FOLH1: variants seen among roughly 807,000 people sequenced by gnomAD.
FOLH1 encodes the protein glutamate carboxypeptidase 2.
A neutral mutation model predicts 93.9 loss-of-function variants in FOLH1; 54 were observed. That is an observed-to-expected ratio of 0.57 (90% confidence interval 0.46 to 0.72). The LOEUF is 0.72. Among genes scored for constraint, FOLH1 ranks in the 30% least tolerant of loss-of-function variants. FOLH1 has a pLI of 0.00. For missense variants in FOLH1, 571 were observed against 892.5 expected, an observed-to-expected ratio of 0.64 and a Z score of 4.59; for synonymous variants, 249 against 303.6, an observed-to-expected ratio of 0.82 and a Z score of 1.87.
intron 3 of FOLH1, among the ~76,000 whole-genome samples, chr11:49,198,438 C>A (rs553211314): frequency 1.3e-5 from 2 of 151,548 alleles, no homozygotes; most frequent in South Asian, 4.2e-4. Context: ...GCGGAGATAC[C>A]GCCACTGCAC....
At chr11:49,206,283 T>G (rs1375627978) in intron 1 of FOLH1, 111 bp from the exon 2 acceptor site, 3 of 1,459,396 alleles carry the variant, frequency 2.1e-6, no homozygotes, top group Admixed American at 3.8e-5. Flanking sequence ...ATATTACCTC[T>G]GACATTAGGT....
At chr11:49,184,716 T>C (rs1861177648) in intron 6 of FOLH1, among the ~76,000 whole-genome samples, 2 of 152,220 alleles carry the variant, frequency 1.3e-5, no homozygotes, top group African/African-American at 4.8e-5. Flanking sequence ...ATAAATGTCA[T>C]AGAAAACTTG....
At chr11:49,190,287 A>G (rs1318137827) in intron 4 of FOLH1, among the ~76,000 whole-genome samples, 2 of 152,224 alleles carry the variant, frequency 1.3e-5, no homozygotes, top group African/African-American at 4.8e-5. Flanking sequence ...AAATGAGAGT[A>G]AACTTTGAAA....
chr11:49,197,967 T>C (rs1862804796), intron 3 of FOLH1, among the ~76,000 whole-genome samples: 1 of 151,666 alleles, frequency 6.6e-6, no homozygotes, highest in African/African-American at 2.4e-5. Context: ...TGGATAAAAA[T>C]AAAAAAGAAC....
intron 12 of FOLH1, among the ~76,000 whole-genome samples, chr11:49,164,975 C>A (rs976732852): frequency 6.6e-6 from 1 of 152,284 alleles, no homozygotes; most frequent in East Asian, 1.9e-4. Context: ...CCCTAGGTCA[C>A]CTCTCAAAAT....
intron 14 of FOLH1, 33 bp downstream of exon 14, chr11:49,157,919 T>A: frequency 6.5e-7 from 1 of 1,537,064 alleles, no homozygotes; most frequent in African/African-American, 1.4e-5. Flanking sequence ...AATCCCACAC[T>A]GAATTCAGTG....
intron 7 of FOLH1, among the ~76,000 whole-genome samples, chr11:49,178,388 T>A (rs36032101): frequency 6.6e-6 from 1 of 152,218 alleles, no homozygotes; most frequent in South Asian, 2.1e-4. Flanking sequence ...TCCTTTTGAA[T>A]TGTGAACTTT....
chr11:49,178,378 T>A (rs1345958275), intron 7 of FOLH1, among the ~76,000 whole-genome samples: 3 of 152,210 alleles, frequency 2.0e-5, no homozygotes, highest in African/African-American at 7.2e-5. Flanking sequence ...TTACTATAAA[T>A]CCTTTTGAAT....
intron 11 of FOLH1, among the ~76,000 whole-genome samples, chr11:49,170,299 G>A (rs1206609288): frequency 1.3e-5 from 2 of 152,134 alleles, no homozygotes; most frequent in Non-Finnish European, 2.9e-5. Context: ...AGGTCATTAT[G>A]AATTAAGAAA....
At chr11:49,198,574 A>T (rs957688634) in intron 3 of FOLH1, among the ~76,000 whole-genome samples, 5 of 152,092 alleles carry the variant, frequency 3.3e-5, no homozygotes, top group Non-Finnish European at 7.4e-5. Flanking sequence ...GATCAAAGAG[A>T]CGTTTAAGCA....
At chr11:49,148,604 A>G (rs1394318506) in intron 18 of FOLH1, 35 bp downstream of exon 18, 1 of 1,412,556 alleles carries the variant, frequency 7.1e-7, no homozygotes, top group Non-Finnish European at 9.7e-7. Flanking sequence ...AGAAAAAGTG[A>G]TATTACAGAA....
chr11:49,194,714 T>C (rs1040906971), intron 3 of FOLH1, among the ~76,000 whole-genome samples: 7 of 151,926 alleles, frequency 4.6e-5, no homozygotes, highest in African/African-American at 1.2e-4. Context: ...TGTGTACCAA[T>C]TGACAAGCAG....
chr11:49,184,640 C>G (rs1214344347), intron 6 of FOLH1, among the ~76,000 whole-genome samples: 1 of 151,888 alleles, frequency 6.6e-6, no homozygotes, highest in East Asian at 1.9e-4. Context: ...AGAAGATTTA[C>G]AAAGCCAAAA....
chr11:49,174,911 G>A lies in FOLH1; in HGVS notation c.1086C>T (p.Leu362=), dbSNP rs771300656. The part of the protein sequence containing the change: ...VTRIYNVIGT[L]RGAVEPDRYV... ...CTTTACCTGGTTCCACTGCTCCTCT[G>A]AGAGTACCTATCACATTGTAAATTC... The change falls in exon 9 of 19, where the codon CTC becomes CTT. Residue 362 remains leucine (L), a synonymous_variant. Transcript: ENST00000256999. The A allele has an allele frequency of 7.5e-6, 12 of 1,610,190 alleles. No individual in the cohort carries two copies. The South Asian group carries it at 7.7e-5, about 10-fold the overall frequency.
intron 3 of FOLH1, among the ~76,000 whole-genome samples, chr11:49,193,103 G>T (rs1862251449): frequency 6.6e-6 from 1 of 151,920 alleles, no homozygotes; most frequent in East Asian, 1.9e-4. Context: ...TCCTCAAAAT[G>T]GTTAGATCTA....
Position 49,169,241 on chromosome 11 carries a change from A to C in FOLH1, c.1326T>G (p.Leu442=). The C allele has an allele frequency of 6.2e-7, 1 of 1,613,274 alleles. No individual in the cohort carries two copies. Among genetic ancestry groups the C allele is most frequent in the East Asian group, 2.2e-5 (1 of 44,834 alleles). Residue 442 remains leucine (L), a synonymous_variant, in exon 12 of 19, where the codon CTT becomes CTG. Coordinates refer to ENST00000256999, the MANE Select transcript of FOLH1 (RefSeq NM_004476.3). ...TEWAEENSRL[L]QERGVAYINA... is the part of the protein sequence containing the mutation. ...TAATATAAGCCACGCCACGCTCTTG[A>C]AGGAGTCTTGAATTCTCCTATAATA... is the stretch of plus-strand genomic sequence containing the variant.
At chr11:49,181,451 T>C (rs1860726370) in intron 7 of FOLH1, among the ~76,000 whole-genome samples, 1 of 151,918 alleles carries the variant, frequency 6.6e-6, no homozygotes, top group Non-Finnish European at 1.5e-5. Flanking sequence ...ATACTATATA[T>C]ATATAGTTTT....
chr11:49,174,108 C>T (rs1472174947), intron 9 of FOLH1, among the ~76,000 whole-genome samples: 1 of 152,068 alleles, frequency 6.6e-6, no homozygotes, highest in African/African-American at 2.4e-5. Flanking sequence ...CTTTTATCTC[C>T]CCATTTCCAA....
chr11:49,172,517 T>A (rs1859456108), intron 10 of FOLH1, among the ~76,000 whole-genome samples: 1 of 152,142 alleles, frequency 6.6e-6, no homozygotes, highest in Middle Eastern at 3.2e-3. Context: ...TTAACCTATC[T>A]GTAACATGAG....
Sources: gnomAD v4.1 joint callset for allele counts (sites outside exome capture counted in the v4.1 genomes callset) on GRCh38, gnomAD v4.1.1 for gene constraint, MANE v1.5 for transcripts, NCBI Gene and HGNC (gene_info 2026-07-23, HGNC 2026-07-21) for gene names.